Variants in TSPEAR observed in about 807,000 individuals in gnomAD.
TSPEAR encodes thrombospondin type laminin G domain and EAR repeats.
TSPEAR carries 69 observed loss-of-function variants against 71.6 expected under a neutral mutation model. The observed-to-expected ratio is 0.96, with a 90% CI of 0.79 to 1.18. The LOEUF is 1.18. TSPEAR is among the 50% of genes most tolerant of loss of function. The pLI, the probability that TSPEAR is intolerant of heterozygous loss-of-function variation, is 0.00. For synonymous variants in TSPEAR, 402 were observed against 387.2 expected (o/e 1.04, Z -0.45); for missense variants, 971 against 894.9 (o/e 1.09, Z -1.09).
intron 10 of TSPEAR, 135 bp from the exon 11 acceptor site, chr21:44,505,016 A>T: frequency 1.5e-6 from 1 of 654,560 alleles, no homozygotes; most frequent in Non-Finnish European, 2.7e-6. Flanking sequence ...TCACAGTCAC[A>T]TATGTGTTGG....
chr21:44,685,601 T>C (rs1374817066), intron 1 of TSPEAR, among the ~76,000 whole-genome samples: 1 of 152,130 alleles, frequency 6.6e-6, no homozygotes, highest in Non-Finnish European at 1.5e-5. Flanking sequence ...TGAGGTGTGG[T>C]GTCAGGAAGC....
intron 1 of TSPEAR, chr21:44,637,809 G>T: frequency 7.3e-7 from 1 of 1,368,608 alleles, no homozygotes; most frequent in Non-Finnish European, 1.0e-6. Context: ...CAGCAGTCTA[G>T]CTGCCAGCCA....
chr21:44,519,543 C>T (rs1204446258), intron 9 of TSPEAR: 2 of 152,432 alleles, frequency 1.3e-5, no homozygotes, highest in African/African-American at 4.8e-5. Context: ...CCGAAGGCTC[C>T]TGAACCCTCC....
At chr21:44,613,769 G>GT (rs1569220192) in intron 1 of TSPEAR, among the ~76,000 whole-genome samples, 4 of 152,136 alleles carry the variant, frequency 2.6e-5, no homozygotes, top group Non-Finnish European at 4.4e-5. Context: ...GGGATGGGAT[G>GT]GGGGGATGCT....
chr21:44,663,586 T>C (rs1985606591), intron 1 of TSPEAR, among the ~76,000 whole-genome samples: 1 of 152,104 alleles, frequency 6.6e-6, no homozygotes, highest in Non-Finnish European at 1.5e-5. Context: ...AAAGGAATCA[T>C]TCCCGATTAA....
At chr21:44,675,759 T>C (rs782052168) in intron 1 of TSPEAR, 1 of 515,540 alleles carries the variant, frequency 1.9e-6, no homozygotes, top group Non-Finnish European at 3.5e-6. Flanking sequence ...ACAGTACTTG[T>C]AAGCCTGCTC....
At chr21:44,509,789 G>T (rs2145923106) in intron 9 of TSPEAR, 1 of 232,294 alleles carries the variant, frequency 4.3e-6, no homozygotes, top group East Asian at 1.2e-4. Flanking sequence ...TGTGTGACTT[G>T]CTTCTCAGCA....
intron 1 of TSPEAR, among the ~76,000 whole-genome samples, chr21:44,692,957 C>T (rs1360792236): frequency 1.3e-5 from 2 of 152,018 alleles, no homozygotes; most frequent in Non-Finnish European, 2.9e-5. Context: ...GATTTCAAAA[C>T]GTACTACAAA....
intron 2 of TSPEAR, chr21:44,558,371 GCAGCAGACGGGCACA>G (rs782396153): frequency 1.9e-6 from 3 of 1,612,742 alleles, no homozygotes; most frequent in African/African-American, 1.3e-5. Context: ...AGACAGGCTT[GCAGCAGACGGGCACA>G]CAGCAGACTG....
chr21:44,538,176 G>A (rs1271689957), intron 2 of TSPEAR, among the ~76,000 whole-genome samples: 1 of 152,186 alleles, frequency 6.6e-6, no homozygotes, highest in Non-Finnish European at 1.5e-5. Flanking sequence ...AGCTGGCCTG[G>A]AGGAGTTTGT....
At chr21:44,567,699 C>T (rs2053720528) in intron 2 of TSPEAR, 86 bp downstream of exon 2, 1 of 1,198,200 alleles carries the variant, frequency 8.3e-7, no homozygotes, top group Non-Finnish European at 1.1e-6. Context: ...AAATGCCGCC[C>T]CTCAACCTGT....
At chr21:44,664,128 T>C (rs1985630821) in intron 1 of TSPEAR, among the ~76,000 whole-genome samples, 1 of 152,118 alleles carries the variant, frequency 6.6e-6, no homozygotes, top group Non-Finnish European at 1.5e-5. Context: ...GCATGCAGCC[T>C]GGAAAGAAAG....
chr21:44,655,882 G>A (rs1985115715), intron 1 of TSPEAR, among the ~76,000 whole-genome samples: 1 of 152,180 alleles, frequency 6.6e-6, no homozygotes, highest in Admixed American at 6.5e-5. Flanking sequence ...TGTGCCTGCT[G>A]GTGGTGGATA....
chr21:44,653,437 C>A (rs1054284922), intron 1 of TSPEAR, among the ~76,000 whole-genome samples: 2 of 152,186 alleles, frequency 1.3e-5, no homozygotes, highest in Admixed American at 1.3e-4. Context: ...GAGCCGGAAT[C>A]TCTGACAGAG....
At chr21:44,529,989 C>T (rs782223936) in intron 4 of TSPEAR, 35 bp from the exon 5 acceptor site, 23 of 1,528,476 alleles carry the variant, frequency 1.5e-5, no homozygotes, top group Admixed American at 2.0e-5. Context: ...CAGGCCCGCG[C>T]TGCTGGGGAA....
At position 44,612,531 on chromosome 21, in the gene TSPEAR, C is replaced by G. The variant is rs1981770371; in HGVS notation, c.83-44526G>C. 1 of 1,611,110 alleles carries G rather than the reference C, an allele frequency of 6.2e-7. No individual in the cohort carries two copies. Reference sequence around the variant, plus strand: ...TCCATCTGCTCTGGAGCTTCCTCCCCATGCTGCCAGCAGTCTAGCTGCCAG... The same window carrying G: ...TCCATCTGCTCTGGAGCTTCCTCCCGATGCTGCCAGCAGTCTAGCTGCCAG... On this transcript the variant is annotated intron_variant, in intron 1 of 11. Transcript: ENST00000323084. This position sits in a 1 kb window ranked among gnomAD's most constrained non-coding sequence, Gnocchi z 4.1.
At chr21:44,577,385 A>C (rs1300768485) in intron 1 of TSPEAR, among the ~76,000 whole-genome samples, 1 of 152,238 alleles carries the variant, frequency 6.6e-6, no homozygotes, top group Non-Finnish European at 1.5e-5. Context: ...CTGGTTCTAC[A>C]GGCTGTACAA....
chr21:44,528,544 C>T lies in TSPEAR; in HGVS notation c.830G>A (p.Cys277Tyr). 6.2e-7 allele frequency: 1 copy of T among 1,614,158 alleles called. No individual in the cohort carries two copies. Among genetic ancestry groups the T allele is most frequent in the Non-Finnish European group, 8.5e-7 (1 of 1,180,042 alleles). The change falls in exon 6 of 12, where the codon TGT becomes TAT. Residue 277 changes from cysteine to tyrosine, a missense_variant. Physicochemically the swap from Cys to Tyr is radical, Grantham distance 194. Transcript: ENST00000323084. ...GAACTGGGCGTCTTCCACCTCGGTA[C>T]ACGGTGGCTGGGGTCCCAGCGTCAC... ...IRVTLGPQPP[C>Y]TEVEDAQFWF...
At chr21:44,643,944 C>G (rs113207203) in intron 1 of TSPEAR, among the ~76,000 whole-genome samples, 1 of 152,220 alleles carries the variant, frequency 6.6e-6, no homozygotes, top group Non-Finnish European at 1.5e-5. Flanking sequence ...CCAGCCACGA[C>G]GAAAGGGAGT....
Sources: allele counts gnomAD v4.1 joint callset (sites outside exome capture counted in the v4.1 genomes callset), GRCh38; gene constraint gnomAD v4.1.1; non-coding constraint Gnocchi (gnomAD v3.1); transcripts MANE v1.5; gene names NCBI Gene and HGNC (gene_info 2026-07-23, HGNC 2026-07-21).